KIAA1217: variants seen among roughly 807,000 people sequenced by gnomAD.
KIAA1217 encodes the protein KIAA1217.
Under a neutral mutation model 163.9 loss-of-function variants are expected in KIAA1217, and 88 were observed. The observed-to-expected ratio is 0.54, with a 90% CI of 0.45 to 0.64. KIAA1217 has a LOEUF of 0.64. Among genes scored for constraint, KIAA1217 ranks in the 30% least tolerant of loss-of-function variants. The probability of loss-of-function intolerance (pLI) is 0.00; values close to 1 mark genes in which losing one functional copy is unlikely to be tolerated. For missense variants in KIAA1217, 2,372 were observed against 2,475.0 expected (o/e 0.96, Z 0.88); for synonymous variants, 903 against 923.1 (o/e 0.98, Z 0.39).
chr10:24,038,904 C>T (rs1309786013), intron 2 of KIAA1217, among the ~76,000 whole-genome samples: 16 of 152,090 alleles, frequency 1.1e-4, no homozygotes, highest in South Asian at 4.2e-4. Flanking sequence ...CCACCATGCC[C>T]GGCTAAGTTT....
At chr10:23,790,206 C>T (rs190415822) in intron 1 of KIAA1217, among the ~76,000 whole-genome samples, 3 of 2,940 alleles carry the variant, frequency 1.0e-3, no homozygotes, top group African/African-American at 1.6e-3. Flanking sequence ...TATGCATATA[C>T]ACATATACAC....
At chr10:24,526,253 G>A (rs1162984134) in intron 13 of KIAA1217, among the ~76,000 whole-genome samples, 2 of 152,050 alleles carry the variant, frequency 1.3e-5, no homozygotes, top group African/African-American at 2.4e-5. Flanking sequence ...CAGCCTCGGG[G>A]CCTCTGAACA....
At chr10:23,869,131 T>G (rs918374801) in intron 1 of KIAA1217, among the ~76,000 whole-genome samples, 29 of 135,318 alleles carry the variant, frequency 2.1e-4, no homozygotes, top group Admixed American at 1.1e-3. Flanking sequence ...GTAGTTTTTT[T>G]TTTTTTTTTT....
chr10:23,796,255 C>T (rs1028413749), intron 1 of KIAA1217, among the ~76,000 whole-genome samples: 4 of 152,306 alleles, frequency 2.6e-5, no homozygotes, highest in Non-Finnish European at 5.9e-5. Flanking sequence ...ATGACCTTGT[C>T]TTAGTCACTT....
intron 2 of KIAA1217, among the ~76,000 whole-genome samples, chr10:24,229,409 G>A (rs1421972989): frequency 2.0e-5 from 3 of 152,140 alleles, no homozygotes; most frequent in Non-Finnish European, 2.9e-5. Context: ...TAATCCAATG[G>A]CGAAATGATG....
rs1428515255 is a variant in KIAA1217, at chr10:24,270,709, T to G, written c.354+50800T>G. On this transcript the variant is annotated intron_variant, in intron 2 of 20. Coordinates refer to ENST00000376454, the MANE Select transcript of KIAA1217 (RefSeq NM_019590.5). ...GCGCCTGCCTCCACACCCAGCTAAT[T>G]TTTGTTTTATTTTTTTTAGTAGTTA... Among the ~76,000 whole-genome samples the G allele has an allele frequency of 2.6e-5, 4 of 151,950 alleles. No homozygotes were observed. The East Asian group carries it at 7.7e-4, about 29-fold the overall frequency.
intron 2 of KIAA1217, among the ~76,000 whole-genome samples, chr10:24,238,782 T>A (rs192980733): frequency 6.6e-6 from 1 of 152,334 alleles, no homozygotes; most frequent in East Asian, 1.9e-4. Context: ...GAGACACGCA[T>A]GGCCGCTGTA....
intron 2 of KIAA1217, among the ~76,000 whole-genome samples, chr10:24,300,677 C>T (rs1382369724): frequency 3.9e-5 from 6 of 152,178 alleles, no homozygotes; most frequent in Admixed American, 2.0e-4. Flanking sequence ...AAGCAATTCT[C>T]CTGCCTCAGC....
intron 2 of KIAA1217, among the ~76,000 whole-genome samples, chr10:24,033,436 G>T (rs1848270270): frequency 6.6e-6 from 1 of 152,124 alleles, no homozygotes; most frequent in Non-Finnish European, 1.5e-5. Context: ...GGCAAAGCGT[G>T]GCATAATCCA....
intron 1 of KIAA1217, among the ~76,000 whole-genome samples, chr10:24,000,760 A>G (rs1342885177): frequency 6.6e-6 from 1 of 152,248 alleles, no homozygotes; most frequent in Non-Finnish European, 1.5e-5. Flanking sequence ...TCAAGTACAC[A>G]GCTTCCTCTG....
intron 2 of KIAA1217, among the ~76,000 whole-genome samples, chr10:24,229,148 T>C (rs148923286): frequency 1.2e-4 from 18 of 152,208 alleles, no homozygotes; most frequent in South Asian, 4.1e-4. Context: ...CATGCATCTA[T>C]ATTTATGAAG....
intron 2 of KIAA1217, among the ~76,000 whole-genome samples, chr10:24,071,257 A>T (rs1445503139): frequency 6.6e-6 from 1 of 152,148 alleles, no homozygotes; most frequent in East Asian, 1.9e-4. Flanking sequence ...AAACATTGCG[A>T]GTTTTGTTTG....
intron 1 of KIAA1217, among the ~76,000 whole-genome samples, chr10:23,897,294 T>C (rs1359386970): frequency 1.3e-5 from 2 of 152,090 alleles, no homozygotes; most frequent in Non-Finnish European, 2.9e-5. Flanking sequence ...AAATAAAATC[T>C]ATTTGTAGCT....
At chr10:23,751,878 A>G (rs1393346273) in intron 1 of KIAA1217, among the ~76,000 whole-genome samples, 3 of 152,200 alleles carry the variant, frequency 2.0e-5, no homozygotes, top group Non-Finnish European at 4.4e-5. Flanking sequence ...AAACGATGAG[A>G]TGAGAGAAAA....
At chr10:24,308,293 T>C (rs931218705) in intron 2 of KIAA1217, among the ~76,000 whole-genome samples, 3 of 152,216 alleles carry the variant, frequency 2.0e-5, no homozygotes, top group Non-Finnish European at 4.4e-5. Flanking sequence ...CTCGTAAGGA[T>C]ATACCGTTCC....
chr10:23,707,658 T>G (rs1042505244), intron 1 of KIAA1217, among the ~76,000 whole-genome samples: 4 of 152,162 alleles, frequency 2.6e-5, no homozygotes, highest in Non-Finnish European at 4.4e-5. Context: ...ATGTGTCCAC[T>G]GAAAGTCCGG....
intron 1 of KIAA1217, among the ~76,000 whole-genome samples, chr10:23,746,575 C>T (rs1208821414): frequency 6.6e-6 from 1 of 152,030 alleles, no homozygotes; most frequent in Non-Finnish European, 1.5e-5. Context: ...AGGCGCCCGC[C>T]ACCACGCCCA....
At chr10:24,437,779 T>C (rs1462509272) in intron 4 of KIAA1217, among the ~76,000 whole-genome samples, 2 of 150,424 alleles carry the variant, frequency 1.3e-5, no homozygotes, top group Non-Finnish European at 3.0e-5. Flanking sequence ...ATAGAAAAAC[T>C]AATTTTCTAA....
At chr10:24,048,629 G>T (rs944298944) in intron 2 of KIAA1217, among the ~76,000 whole-genome samples, 6 of 151,924 alleles carry the variant, frequency 3.9e-5, no homozygotes, top group Admixed American at 6.6e-5. Flanking sequence ...ACCTGGGAGG[G>T]TGTGGCAGGA....
Sources: allele counts gnomAD v4.1 joint callset (sites outside exome capture counted in the v4.1 genomes callset), GRCh38; gene constraint gnomAD v4.1.1; transcripts MANE v1.5; gene names NCBI Gene and HGNC (gene_info 2026-07-23, HGNC 2026-07-21).